The following ENAH variants were observed in gnomAD, a reference collection of about 807,000 sequenced individuals.
ENAH encodes the protein ENAH actin regulator.
Under a neutral mutation model 78.7 loss-of-function variants are expected in ENAH, and 23 were observed. The observed-to-expected ratio is 0.29, with a 90% CI of 0.21 to 0.41. The LOEUF (loss-of-function observed/expected upper bound fraction) is 0.41. Among genes scored for constraint, ENAH ranks in the 10% least tolerant of loss-of-function variants. ENAH has a pLI of 1.00. For missense variants in ENAH, 544 were observed against 691.0 expected (o/e 0.79, Z 2.39); for synonymous variants, 226 against 241.0 (o/e 0.94, Z 0.58).
At chr1:225,597,908 G>A (rs1206233223) in intron 1 of ENAH, among the ~76,000 whole-genome samples, 1 of 151,104 alleles carries the variant, frequency 6.6e-6, no homozygotes, top group Admixed American at 6.6e-5. Context: ...TCTAATCAAT[G>A]ACATTTTAAG....
chr1:225,622,882 A>G (rs1329079862), intron 1 of ENAH, among the ~76,000 whole-genome samples: 2 of 152,188 alleles, frequency 1.3e-5, no homozygotes, highest in East Asian at 3.8e-4. Context: ...TTGCACCAGG[A>G]AGTAACTCGA....
At chr1:225,640,263 AATTT>A (rs1445632503) in intron 1 of ENAH, among the ~76,000 whole-genome samples, 1 of 152,214 alleles carries the variant, frequency 6.6e-6, no homozygotes, top group Non-Finnish European at 1.5e-5. Context: ...TCATTCTAAT[AATTT>A]AACACATAGT....
Position 225,519,402 on chromosome 1 carries a change from G to C in ENAH, c.598C>G (p.Arg200Gly). The C allele has an allele frequency of 6.2e-7, 1 of 1,613,394 alleles. No individual in the cohort carries two copies. The highest frequency in any genetic ancestry group is 8.5e-7 in the Non-Finnish European group (1 of 1,179,756). ...QLERERQERE[R>G]QERLERQERL... ...TCCTGCCGCTCCAGGCGTTCCTGCC[G>C]TTCCCGTTCTTGTCTCTCTCTCTCC... The change falls in exon 5 of 14, where the codon CGG (arginine) becomes GGG (glycine). Residue 200 changes from arginine to glycine, a missense_variant. Transcript: ENST00000366843.
chr1:225,609,494 C>T (rs746921934), intron 1 of ENAH, among the ~76,000 whole-genome samples: 11 of 151,990 alleles, frequency 7.2e-5, no homozygotes, highest in Non-Finnish European at 1.2e-4. Context: ...AGCTAAACCA[C>T]TATCTTCCAT....
intron 1 of ENAH, among the ~76,000 whole-genome samples, chr1:225,605,325 A>G (rs2096951255): frequency 6.6e-6 from 1 of 152,220 alleles, no homozygotes; most frequent in Non-Finnish European, 1.5e-5. Context: ...TAAGAACATA[A>G]TATTTAGAAG....
upstream of ENAH, among the ~76,000 whole-genome samples, chr1:225,653,773 G>T (rs1663489186): frequency 6.6e-6 from 1 of 152,250 alleles, no homozygotes; most frequent in African/African-American, 2.4e-5. The surrounding 1 kb of genome is among the most constrained non-coding windows in gnomAD (Gnocchi z 4.3). Flanking sequence ...CCAACTGCCC[G>T]CCCTCGCCGC....
At chr1:225,560,288 T>TC (rs1402702561) in intron 2 of ENAH, among the ~76,000 whole-genome samples, 1 of 151,984 alleles carries the variant, frequency 6.6e-6, no homozygotes, top group Non-Finnish European at 1.5e-5. Context: ...GGTCAGGAGT[T>TC]CGAGACCAGC....
In ENAH at chr1:225,648,757, C is replaced by A. The variant is rs561448908; in HGVS notation, c.5+3929G>T. Among the ~76,000 whole-genome samples the A allele has an allele frequency of 5.9e-3, 748 of 127,242 alleles. 10 individuals carry two copies. The highest frequency in any genetic ancestry group is 0.022 in the African/African-American group (703 of 32,662). The allele number at this position is 127,242 out of a possible 152,430, so 83.5% of individuals were successfully genotyped here. ...AATCCTGTGAAATATAAGATTATCT[C>A]CTTTTTTTTTTTTTTTTTTACCAGT... is the stretch of plus-strand genomic sequence containing the variant. On this transcript the variant is annotated intron_variant, in intron 1 of 13. Coordinates refer to ENST00000366843, the MANE Select transcript of ENAH (RefSeq NM_018212.6).
chr1:225,561,705 T>C (rs868530091), intron 2 of ENAH, among the ~76,000 whole-genome samples: 1 of 149,124 alleles, frequency 6.7e-6, no homozygotes, highest in African/African-American at 2.5e-5. Flanking sequence ...CCACTGAGCA[T>C]GCTGTCAGGT....
At chr1:225,580,690 G>T (rs974973334) in intron 1 of ENAH, among the ~76,000 whole-genome samples, 1 of 151,910 alleles carries the variant, frequency 6.6e-6, no homozygotes, top group African/African-American at 2.4e-5. Flanking sequence ...GGCCAAGGTG[G>T]GTGGATCATT....
At chr1:225,527,277 A>G (rs562927588) in intron 4 of ENAH, among the ~76,000 whole-genome samples, 1 of 152,364 alleles carries the variant, frequency 6.6e-6, no homozygotes, top group East Asian at 1.9e-4. Context: ...TTATGAAGTA[A>G]AAAGTTGGCC....
At chr1:225,502,969 A>T (rs1157498008) in intron 11 of ENAH, among the ~76,000 whole-genome samples, 1 of 152,264 alleles carries the variant, frequency 6.6e-6, no homozygotes, top group Non-Finnish European at 1.5e-5. Flanking sequence ...TCTGAAATTC[A>T]CATGAACTAC....
intron 3 of ENAH, among the ~76,000 whole-genome samples, chr1:225,553,007 G>C (rs1038772321): frequency 1.9e-4 from 29 of 152,180 alleles, no homozygotes; most frequent in African/African-American, 6.3e-4. Context: ...GCCGAGGTGG[G>C]CAGATCACTT....
intron 1 of ENAH, among the ~76,000 whole-genome samples, chr1:225,598,842 T>C (rs963810562): frequency 1.3e-5 from 2 of 148,798 alleles, no homozygotes; most frequent in African/African-American, 2.6e-5. Context: ...TAATAATATT[T>C]GATTCAGGCA....
At chr1:225,588,320 A>G (rs930982027) in intron 1 of ENAH, among the ~76,000 whole-genome samples, 1 of 152,226 alleles carries the variant, frequency 6.6e-6, no homozygotes, top group Non-Finnish European at 1.5e-5. Context: ...CATTGGGCAA[A>G]TAAGTTGAAC....
intron 1 of ENAH, among the ~76,000 whole-genome samples, chr1:225,634,560 T>C (rs1192397335): frequency 6.6e-6 from 1 of 152,228 alleles, no homozygotes; most frequent in Non-Finnish European, 1.5e-5. Flanking sequence ...ATCAATAATG[T>C]TGAGGTTGAG....
chr1:225,496,689 TG>T lies in ENAH; in HGVS notation c.*1085del, dbSNP rs2096251265. ...ATGTAAAAGATTAAGTACTTGGTTT[TG>T]TAACATATTTACCAATTAAAGTCAC... On this transcript the variant is annotated 3_prime_UTR_variant, in exon 14 of 14. Coordinates refer to ENST00000366843, the MANE Select transcript of ENAH (RefSeq NM_018212.6). 1 of 152,702 alleles carries T rather than the reference TG, an allele frequency of 6.5e-6. No individual in the cohort carries two copies. The highest frequency in any genetic ancestry group is 1.5e-5 in the Non-Finnish European group (1 of 68,044). The allele number at this position is 152,702 out of a possible 1,614,324, so 9.5% of individuals were successfully genotyped here.
At chr1:225,617,124 G>A (rs1220806292) in intron 1 of ENAH, among the ~76,000 whole-genome samples, 2 of 151,618 alleles carry the variant, frequency 1.3e-5, no homozygotes, top group African/African-American at 4.9e-5. Flanking sequence ...AAGATTTGAA[G>A]ATGTCCAACT....
intron 2 of ENAH, among the ~76,000 whole-genome samples, chr1:225,561,690 G>C (rs1181284334): frequency 8.7e-6 from 1 of 115,542 alleles, no homozygotes; most frequent in Non-Finnish European, 1.9e-5. Context: ...CTACTTATTG[G>C]ATGTCCACTG....
Sources: allele counts gnomAD v4.1 joint callset (sites outside exome capture counted in the v4.1 genomes callset), GRCh38; gene constraint gnomAD v4.1.1; non-coding constraint Gnocchi (gnomAD v3.1); transcripts MANE v1.5; gene names NCBI Gene and HGNC (gene_info 2026-07-23, HGNC 2026-07-21).